The following OSBPL6 variants were observed in gnomAD, a reference collection of about 807,000 sequenced individuals.
OSBPL6 encodes oxysterol binding protein like 6, also known as oxysterol-binding protein-related protein 6.
Under a neutral mutation model 125.8 loss-of-function variants are expected in OSBPL6, and 49 were observed. The ratio of observed to expected loss-of-function variants is 0.39; its 90% CI spans 0.31 to 0.49. The LOEUF (loss-of-function observed/expected upper bound fraction) is 0.49. Among genes scored for constraint, OSBPL6 ranks in the 20% least tolerant of loss-of-function variants. OSBPL6 has a pLI of 0.88. For synonymous variants in OSBPL6, 394 were observed against 391.8 expected (o/e 1.01, Z -0.07); for missense variants, 986 against 1,135.4 (o/e 0.87, Z 1.89).
chr2:178,255,373 TA>T (rs1232677994), intron 1 of OSBPL6, among the ~76,000 whole-genome samples: 2 of 152,206 alleles, frequency 1.3e-5, no homozygotes, highest in African/African-American at 4.8e-5. Context: ...TGCCCTTTTA[TA>T]AAACCATCAG....
intron 4 of OSBPL6, among the ~76,000 whole-genome samples, chr2:178,325,383 A>G (rs993999438): frequency 6.6e-6 from 1 of 152,234 alleles, no homozygotes; most frequent in East Asian, 1.9e-4. Flanking sequence ...GAACCTCTTT[A>G]AACTGTAAAG....
intron 1 of OSBPL6, among the ~76,000 whole-genome samples, chr2:178,276,783 T>G (rs1425836290): frequency 4.1e-5 from 2 of 48,868 alleles, no homozygotes; most frequent in Non-Finnish European, 8.5e-5. Flanking sequence ...ACTAGAAGAG[T>G]TTTTTTTTTT....
chr2:178,269,989 T>C (rs2092339624), intron 1 of OSBPL6, among the ~76,000 whole-genome samples: 1 of 152,214 alleles, frequency 6.6e-6, no homozygotes, highest in Non-Finnish European at 1.5e-5. Context: ...CTGCAGAATG[T>C]CAGGCAGGGC....
At chr2:178,260,377 A>ATATGTATATGTATATGTGTATGTG (rs1553536460) in intron 1 of OSBPL6, among the ~76,000 whole-genome samples, 10 of 151,842 alleles carry the variant, frequency 6.6e-5, no homozygotes, top group African/African-American at 1.9e-4. Flanking sequence ...ATGTATATGT[A>ATATGTATATGTATATGTGTATGTG]TATGTGTATG....
intron 1 of OSBPL6, among the ~76,000 whole-genome samples, chr2:178,280,263 T>A (rs928033094): frequency 2.0e-5 from 3 of 152,208 alleles, no homozygotes; most frequent in Non-Finnish European, 4.4e-5. Context: ...ACTCTGGCTT[T>A]CTAAAATAAT....
intron 1 of OSBPL6, among the ~76,000 whole-genome samples, chr2:178,268,942 G>T (rs1484113690): frequency 6.6e-6 from 1 of 152,028 alleles, no homozygotes; most frequent in African/African-American, 2.4e-5. Flanking sequence ...TCCTAAGATG[G>T]CCTCCAGTGC....
At chr2:178,322,729 A>C (rs1688346668) in intron 3 of OSBPL6, among the ~76,000 whole-genome samples, 1 of 152,130 alleles carries the variant, frequency 6.6e-6, no homozygotes, top group African/African-American at 2.4e-5. Context: ...TATTTCAAAA[A>C]TTACGTTGGA....
intron 1 of OSBPL6, among the ~76,000 whole-genome samples, chr2:178,206,521 G>A (rs1045699857): frequency 6.6e-6 from 1 of 152,188 alleles, no homozygotes; most frequent in Non-Finnish European, 1.5e-5. Context: ...TTTGATTTAT[G>A]TTGAATCACT....
intron 1 of OSBPL6, among the ~76,000 whole-genome samples, chr2:178,279,252 TA>T (rs1261820475): frequency 6.6e-6 from 1 of 152,146 alleles, no homozygotes; most frequent in Non-Finnish European, 1.5e-5. Context: ...TGGGCTTGAA[TA>T]AGAAAGGAGA....
intron 12 of OSBPL6, among the ~76,000 whole-genome samples, chr2:178,349,753 C>T (rs1691065621): frequency 1.3e-5 from 2 of 152,144 alleles, no homozygotes; most frequent in South Asian, 4.1e-4. Flanking sequence ...TATTAAATAA[C>T]ACTCATGTAT....
chr2:178,231,585 A>G (rs2090818643), intron 1 of OSBPL6, among the ~76,000 whole-genome samples: 1 of 150,102 alleles, frequency 6.7e-6, no homozygotes, highest in African/African-American at 2.5e-5. Flanking sequence ...CTTAACTTCT[A>G]TACCAATATG....
In OSBPL6 at chr2:178,306,169, G is replaced by A. The variant is rs764570033; in HGVS notation, c.-16G>A. The A allele has an allele frequency of 1.0e-5, 16 of 1,552,770 alleles. No homozygotes were observed. In the Admixed American group the frequency reaches 2.7e-4, roughly 26 times the overall value. On this transcript the variant is annotated 5_prime_UTR_variant, in exon 3 of 25. Transcript: ENST00000190611. ...GGATGGTCTTAAGTGCATAAAACGA[G>A]ACTCTAACTGCAGCGATGAGTTCAG...
chr2:178,260,297 T>C (rs2092017029), intron 1 of OSBPL6, among the ~76,000 whole-genome samples: 1 of 152,196 alleles, frequency 6.6e-6, no homozygotes, highest in South Asian at 2.1e-4. Flanking sequence ...GTAATTATTC[T>C]TTTGGATTAT....
In OSBPL6 at chr2:178,353,882, A is replaced by G. The variant is rs552600859; in HGVS notation, c.1153+4493A>G. 2.0e-5 allele frequency among the ~76,000 whole-genome samples: 3 copies of G among 152,342 alleles called. No homozygotes were observed. In the East Asian group the frequency reaches 5.8e-4, roughly 29 times the overall value. On this transcript the variant is annotated intron_variant, in intron 12 of 24. Transcript: ENST00000190611. ...CCCACAAAGGGAAGCCCATCAGGCT[A>G]ACAGTGGATCTCTCAGCAGAAAGCC...
In OSBPL6 at chr2:178,338,944, G is replaced by A. The variant is rs144323172; in HGVS notation, c.791-47G>A. On this transcript the variant is annotated intron_variant, in intron 9 of 24. Transcript: ENST00000190611. Reference sequence around the variant, plus strand: ...TGACCCTTTTATTACCATCCCCACCGCTCCCTACCCAATTTTAACGTATTT... The same window carrying A: ...TGACCCTTTTATTACCATCCCCACCACTCCCTACCCAATTTTAACGTATTT... 194 of 1,371,614 alleles carry A rather than the reference G, an allele frequency of 1.4e-4. 1 individual carries two copies. The East Asian group carries it at 2.3e-3, about 16-fold the overall frequency. The allele number at this position is 1,371,614 out of a possible 1,614,324, so 85.0% of individuals were successfully genotyped here.
In OSBPL6 at chr2:178,331,618, C is replaced by T. The variant is rs780540293; in HGVS notation, c.372+13C>T. 1 of 1,613,566 alleles carries T rather than the reference C, an allele frequency of 6.2e-7. No homozygotes were observed. The highest frequency in any genetic ancestry group is 8.5e-7 in the Non-Finnish European group (1 of 1,179,560). On this transcript the variant is annotated intron_variant, in intron 6 of 24. Coordinates refer to ENST00000190611, the MANE Select transcript of OSBPL6 (RefSeq NM_032523.4). Reference sequence around the variant, plus strand: ...GGCACCACTCGATGTAAGTAGCACACAGGACATGTTTCAAAGGTTGATTTC... The same window carrying T: ...GGCACCACTCGATGTAAGTAGCACATAGGACATGTTTCAAAGGTTGATTTC...
intron 11 of OSBPL6, among the ~76,000 whole-genome samples, chr2:178,347,072 G>T (rs7576231): frequency 2.6e-5 from 4 of 151,550 alleles, no homozygotes; most frequent in African/African-American, 9.8e-5. Flanking sequence ...TGTAACTTAC[G>T]TTTTTCTTCT....
chr2:178,227,177 A>G (rs557559532), intron 1 of OSBPL6, among the ~76,000 whole-genome samples: 10 of 152,352 alleles, frequency 6.6e-5, no homozygotes, highest in Non-Finnish European at 1.3e-4. Context: ...ACAAAAAAGG[A>G]AATACATATG....
At chr2:178,285,769 G>A (rs1684640982) in intron 2 of OSBPL6, among the ~76,000 whole-genome samples, 1 of 152,180 alleles carries the variant, frequency 6.6e-6, no homozygotes, top group Non-Finnish European at 1.5e-5. Context: ...TTCAAGGTCA[G>A]CCATCCCCAG....
Sources: allele counts gnomAD v4.1 joint callset (sites outside exome capture counted in the v4.1 genomes callset), GRCh38; gene constraint gnomAD v4.1.1; transcripts MANE v1.5; gene names NCBI Gene and HGNC (gene_info 2026-07-23, HGNC 2026-07-21).